Variants in PACRGL observed in about 807,000 individuals in gnomAD.
PACRGL encodes PACRG-like protein.
PACRGL carries 38 observed loss-of-function variants against 34.5 expected under a neutral mutation model. The ratio of observed to expected loss-of-function variants is 1.10; its 90% CI spans 0.85 to 1.44. The LOEUF (loss-of-function observed/expected upper bound fraction) is 1.44. PACRGL is among the 40% of genes most tolerant of loss of function. The pLI is 0.00. For synonymous variants in PACRGL, 128 were observed against 100.1 expected, an observed-to-expected ratio of 1.28 and a Z score of -1.66; for missense variants, 305 against 281.4, an observed-to-expected ratio of 1.08 and a Z score of -0.60.
chr4:20,735,310 C>G (rs926929669), downstream of PACRGL, among the ~76,000 whole-genome samples: 2 of 152,058 alleles, frequency 1.3e-5, no homozygotes, highest in African/African-American at 4.8e-5. Context: ...CATCCCTTTG[C>G]CTCAATTTTC....
At chr4:20,739,915 G>A (rs1167113115) in intron 8 of PACRGL, among the ~76,000 whole-genome samples, 1 of 152,202 alleles carries the variant, frequency 6.6e-6, no homozygotes, top group African/African-American at 2.4e-5. Flanking sequence ...TGACGGAGCT[G>A]AAAACCATGG....
At chr4:20,704,934 G>A (rs1483061604) in intron 3 of PACRGL, 120 bp downstream of exon 3, 1 of 1,117,460 alleles carries the variant, frequency 8.9e-7, no homozygotes, top group Non-Finnish European at 1.3e-6. Flanking sequence ...AATAATGAGA[G>A]AAGGGCATGT....
chr4:20,748,320 C>G (rs999346296), intron 8 of PACRGL, among the ~76,000 whole-genome samples: 17 of 151,996 alleles, frequency 1.1e-4, no homozygotes, highest in Non-Finnish European at 1.6e-4. Flanking sequence ...GCCCCACTCT[C>G]CATTGCTTCC....
At chr4:20,756,341 G>C (rs1177084169), downstream of PACRGL, among the ~76,000 whole-genome samples, 1 of 152,032 alleles carries the variant, frequency 6.6e-6, no homozygotes, top group Non-Finnish European at 1.5e-5. Flanking sequence ...CCGATTCATG[G>C]ACTCCACTAT....
intron 5 of PACRGL, among the ~76,000 whole-genome samples, chr4:20,710,075 G>A (rs1325253352): frequency 6.6e-6 from 1 of 152,072 alleles, no homozygotes; most frequent in Non-Finnish European, 1.5e-5. Context: ...AGATTTTTTG[G>A]TACTAGTGAA....
chr4:20,742,626 C>G (rs1398791865), intron 8 of PACRGL, among the ~76,000 whole-genome samples: 1 of 152,130 alleles, frequency 6.6e-6, no homozygotes, highest in Non-Finnish European at 1.5e-5. Flanking sequence ...TGGGCAAAAA[C>G]TGGACTCATT....
chr4:20,723,250 A>T (rs974001609), intron 7 of PACRGL, among the ~76,000 whole-genome samples: 2 of 152,148 alleles, frequency 1.3e-5, no homozygotes, highest in South Asian at 4.1e-4. Context: ...AACTACAGGA[A>T]TTTCACACTA....
rs1446299670 is a variant in PACRGL at position 20,728,902 on chromosome 4, T to C, written c.*1561T>C. 4 of 146,958 alleles carry C rather than the reference T, an allele frequency of 2.7e-5. No individual in the cohort carries two copies. Among genetic ancestry groups the C allele is most frequent in the Non-Finnish European group, 6.0e-5 (4 of 66,678 alleles). The allele number at this position is 146,958 out of a possible 1,614,324, so 9.1% of individuals were successfully genotyped here. A position where few individuals can be genotyped will look rare whatever the true frequency, so the allele number is the denominator to read the frequency against. ...TGTGGCTTTAGTAATGTGGCAACTT[T>C]ACAGTTTTGGCTAAGATGATTAAAA... On this transcript the variant is annotated 3_prime_UTR_variant, in exon 9 of 9. Transcript: ENST00000503585.
chr4:20,707,274 AAAG>A (rs1411815732), intron 3 of PACRGL, among the ~76,000 whole-genome samples: 2,487 of 152,286 alleles, frequency 0.016, 1 homozygote, highest in African/African-American at 0.057. Context: ...AGCAAAACTG[AAAG>A]GTTATGAAGT....
chr4:20,728,677 A>G lies in PACRGL; in HGVS notation c.*1336A>G, dbSNP rs1351222139. The G allele has an allele frequency of 6.6e-6, 1 of 151,928 alleles. No individual in the cohort carries two copies. The highest frequency in any genetic ancestry group is 2.0e-4 in the East Asian group (1 of 4,994). 9.4% of individuals were successfully genotyped at this position (151,928 alleles called of 1,614,324 possible). A position where few individuals can be genotyped will look rare whatever the true frequency, so the allele number is the denominator to read the frequency against. ...TACAAAATGTGCACATTGAGTTTAC[A>G]CAAACACGTGATGGCAAATTTCAGT... On this transcript the variant is annotated 3_prime_UTR_variant, in exon 9 of 9. Coordinates refer to ENST00000503585, the MANE Select transcript of PACRGL (RefSeq NM_001258345.3).
chr4:20,759,970 G>A, the PACRGL span, among the ~76,000 whole-genome samples: 2 of 152,208 alleles, frequency 1.3e-5, no homozygotes, highest in African/African-American at 4.8e-5. Flanking sequence ...AGAACCTGCA[G>A]ATAAGAGAAG....
the PACRGL span, among the ~76,000 whole-genome samples, chr4:20,764,723 C>T: frequency 0.049 from 7,342 of 149,526 alleles, 206 homozygotes; most frequent in South Asian, 0.056. Context: ...CATGAACAAA[C>T]AGCAATAATT....
chr4:20,707,563 T>C (rs1200448330), intron 3 of PACRGL, among the ~76,000 whole-genome samples: 2 of 152,174 alleles, frequency 1.3e-5, no homozygotes, highest in Non-Finnish European at 2.9e-5. Flanking sequence ...TAGAAAGAAC[T>C]ATCATTCCAT....
chr4:20,754,760 T>A (rs1754219357), downstream of PACRGL, among the ~76,000 whole-genome samples: 1 of 152,236 alleles, frequency 6.6e-6, no homozygotes, highest in South Asian at 2.1e-4. Flanking sequence ...GTGCTCTGTT[T>A]AAGAAGATGT....
the PACRGL span, among the ~76,000 whole-genome samples, chr4:20,763,801 T>G: frequency 6.6e-6 from 1 of 152,288 alleles, no homozygotes; most frequent in East Asian, 1.9e-4. Flanking sequence ...CCACAAGCAA[T>G]CCTGCCTTGG....
intron 8 of PACRGL, among the ~76,000 whole-genome samples, chr4:20,742,114 G>A (rs752002784): frequency 4.1e-4 from 62 of 152,194 alleles, no homozygotes; most frequent in Non-Finnish European, 7.6e-4. Flanking sequence ...GGACCAGATG[G>A]ATTCACAGCT....
Position 20,732,444 on chromosome 4 carries a change from G to A in PACRGL, c.*5103G>A, listed in dbSNP as rs141083867. On this transcript the variant is annotated 3_prime_UTR_variant, in exon 9 of 9. Transcript: ENST00000503585. ...TAAAAACTGAATGAAAACAAAACTT[G>A]TGAAACATGAGAACTGTTTAGTGTT... Among the ~76,000 whole-genome samples the A allele has an allele frequency of 2.3e-3, 356 of 152,278 alleles. 8 individuals carry two copies. In the South Asian group the frequency reaches 0.047, roughly 20 times the overall value.
At chr4:20,723,022 G>A (rs1744078820) in intron 7 of PACRGL, among the ~76,000 whole-genome samples, 1 of 152,106 alleles carries the variant, frequency 6.6e-6, no homozygotes. Context: ...ATACACCCTA[G>A]GAACTACCTG....
At position 20,730,254 on chromosome 4, in the gene PACRGL, T is replaced by C; in HGVS notation, c.*2913T>C. On this transcript the variant is annotated 3_prime_UTR_variant, in exon 9 of 9. Coordinates refer to ENST00000503585, the MANE Select transcript of PACRGL (RefSeq NM_001258345.3). ...ACCACCTATGCCAAAAGCTCAAATATTAAGTGTTTGCAAATGTAAATGCCA... is the reference window on the plus strand; with the variant it reads ...ACCACCTATGCCAAAAGCTCAAATACTAAGTGTTTGCAAATGTAAATGCCA... The C allele has an allele frequency of 1.6e-6, 2 of 1,231,348 alleles. No homozygotes were observed. The highest frequency in any genetic ancestry group is 1.9e-5 in the South Asian group (1 of 53,302). The allele number at this position is 1,231,348 out of a possible 1,614,324, so 76.3% of individuals were successfully genotyped here.
Sources: allele counts gnomAD v4.1 joint callset (sites outside exome capture counted in the v4.1 genomes callset), GRCh38; gene constraint gnomAD v4.1.1; transcripts MANE v1.5; gene names NCBI Gene and HGNC (gene_info 2026-07-23, HGNC 2026-07-21).